SORCS2: variants seen among roughly 807,000 people sequenced by gnomAD.
The protein encoded by SORCS2 is VPS10 domain-containing receptor SorCS2.
SORCS2 carries 100 observed loss-of-function variants against 141.6 expected under a neutral mutation model. The observed-to-expected ratio is 0.71, with a 90% CI of 0.60 to 0.83. SORCS2 has a LOEUF of 0.83. Among genes scored for constraint, SORCS2 ranks in the 40% least tolerant of loss-of-function variants. SORCS2 has a pLI of 0.00. For missense variants in SORCS2, 1,646 were observed against 1,560.2 expected (o/e 1.05, Z -0.93); for synonymous variants, 789 against 676.9 (o/e 1.17, Z -2.57).
At chr4:7,682,548 G>A (rs1407785421) in intron 9 of SORCS2, among the ~76,000 whole-genome samples, 195 bp from the exon 10 acceptor site, 2 of 152,156 alleles carry the variant, frequency 1.3e-5, no homozygotes, top group Non-Finnish European at 2.9e-5. Context: ...CACTAAAACT[G>A]GGGCCAGAGT....
intron 1 of SORCS2, among the ~76,000 whole-genome samples, chr4:7,363,314 C>T (rs1302446842): frequency 6.8e-6 from 1 of 146,666 alleles, no homozygotes; most frequent in Non-Finnish European, 1.5e-5. Flanking sequence ...TCACTGCCAT[C>T]ATTACTACCA....
intron 3 of SORCS2, among the ~76,000 whole-genome samples, chr4:7,620,249 A>C (rs1466204489): frequency 6.6e-6 from 1 of 152,168 alleles, no homozygotes; most frequent in African/African-American, 2.4e-5. Context: ...TTTGGTCTAA[A>C]AATAGGAGAC....
At chr4:7,308,050 T>C (rs952353778) in intron 1 of SORCS2, among the ~76,000 whole-genome samples, 1 of 152,072 alleles carries the variant, frequency 6.6e-6, no homozygotes, top group Non-Finnish European at 1.5e-5. Context: ...CATCTTTGGC[T>C]CCCTATGGAC....
chr4:7,383,214 T>C (rs3894742), intron 1 of SORCS2, among the ~76,000 whole-genome samples: 152,236 of 152,246 alleles, frequency 1, 76,113 homozygotes, highest in Middle Eastern at 1. Context: ...TCTTCCCAAG[T>C]TGGCATCAGA....
At chr4:7,487,201 A>C (rs1211962570) in intron 2 of SORCS2, among the ~76,000 whole-genome samples, 3 of 152,200 alleles carry the variant, frequency 2.0e-5, no homozygotes, top group South Asian at 2.1e-4. Flanking sequence ...GCCCACCCTA[A>C]GGAGATCTGC....
chr4:7,513,735 T>C (rs1732801801), intron 2 of SORCS2, among the ~76,000 whole-genome samples: 1 of 152,240 alleles, frequency 6.6e-6, no homozygotes, highest in African/African-American at 2.4e-5. Context: ...GCTTGCTAAA[T>C]GACAGCCTTC....
At position 7,679,194 on chromosome 4, in the gene SORCS2, C is replaced by T. The variant is rs116312666; in HGVS notation, c.1341+2965C>T. Among the ~76,000 whole-genome samples the T allele has an allele frequency of 3.1e-3, 479 of 152,214 alleles. 1 individual carries two copies. The highest frequency in any genetic ancestry group is 0.011 in the African/African-American group (460 of 41,536). On this transcript the variant is annotated intron_variant, in intron 9 of 26. Coordinates refer to ENST00000507866, the MANE Select transcript of SORCS2 (RefSeq NM_020777.3). The stretch of plus-strand genomic sequence containing the variant: ...CTCGGAAGGCTGCAGGGGTCTCTCC[C>T]CCAGCAGGGCACAACCCAGGTGTGA...
chr4:7,681,030 T>A (rs925568192), intron 9 of SORCS2, among the ~76,000 whole-genome samples: 3 of 152,212 alleles, frequency 2.0e-5, no homozygotes, highest in Admixed American at 2.0e-4. Flanking sequence ...GAACTTTTGA[T>A]CTGGTGATAT....
rs528664832 is a variant in SORCS2 at position 7,591,414 on chromosome 4, G to A, written c.649-46914G>A. On this transcript the variant is annotated intron_variant, in intron 3 of 26. Transcript: ENST00000507866. ...CTCCAAGCCTGGTGCTACCCCCTGC[G>A]AGCTCCATCAGGCCATCCAGGGTGG... Among the ~76,000 whole-genome samples, 416 of 152,248 alleles carry A rather than the reference G, an allele frequency of 2.7e-3. 3 individuals are homozygous for A. Among genetic ancestry groups the A allele is most frequent in the Non-Finnish European group, 3.4e-3 (229 of 68,004 alleles).
intron 1 of SORCS2, among the ~76,000 whole-genome samples, chr4:7,337,430 G>A (rs775781431): frequency 3.3e-5 from 5 of 152,136 alleles, no homozygotes; most frequent in African/African-American, 4.8e-5. Flanking sequence ...CTGAGCAGGC[G>A]ACCTTCAGAC....
At chr4:7,512,799 C>T (rs1732743418) in intron 2 of SORCS2, among the ~76,000 whole-genome samples, 1 of 152,138 alleles carries the variant, frequency 6.6e-6, no homozygotes, top group African/African-American at 2.4e-5. Context: ...GTGACCCCCA[C>T]CAGTGGACAC....
intron 1 of SORCS2, among the ~76,000 whole-genome samples, chr4:7,394,239 G>A (rs540919229): frequency 7.9e-5 from 12 of 152,276 alleles, no homozygotes; most frequent in African/African-American, 2.9e-4. Flanking sequence ...TTTGGGTAAA[G>A]TCACCTGTAT....
At chr4:7,653,888 C>G (rs1298167813) in intron 4 of SORCS2, among the ~76,000 whole-genome samples, 1 of 152,224 alleles carries the variant, frequency 6.6e-6, no homozygotes, top group African/African-American at 2.4e-5. Context: ...TGAGACCCCT[C>G]TGGATTTCAC....
intron 2 of SORCS2, among the ~76,000 whole-genome samples, chr4:7,495,736 T>G (rs1317227149): frequency 6.6e-6 from 1 of 152,214 alleles, no homozygotes; most frequent in African/African-American, 2.4e-5. Flanking sequence ...TCCTGATGCC[T>G]GGGCCTAGGC....
intron 1 of SORCS2, among the ~76,000 whole-genome samples, chr4:7,343,128 T>G (rs1188968049): frequency 6.6e-6 from 1 of 152,190 alleles, no homozygotes; most frequent in African/African-American, 2.4e-5. Flanking sequence ...ACAGGAGCAT[T>G]AGGAGGGCAG....
intron 1 of SORCS2, among the ~76,000 whole-genome samples, chr4:7,333,112 G>A (rs997515254): frequency 3.9e-5 from 6 of 152,308 alleles, no homozygotes; most frequent in East Asian, 3.9e-4. Context: ...GGGACAAGGC[G>A]GTGTGGCCGT....
chr4:7,720,144 G>A (rs898883662), intron 18 of SORCS2, among the ~76,000 whole-genome samples: 1 of 152,052 alleles, frequency 6.6e-6, no homozygotes, highest in African/African-American at 2.4e-5. Context: ...CACACACACA[G>A]GCCAACCTAT....
chr4:7,293,242 T>C (rs1414120208), intron 1 of SORCS2, among the ~76,000 whole-genome samples: 2 of 151,220 alleles, frequency 1.3e-5, no homozygotes, highest in African/African-American at 4.9e-5. Flanking sequence ...AGGTGGAGCT[T>C]GCAGTGAGCC....
intron 1 of SORCS2, among the ~76,000 whole-genome samples, chr4:7,228,657 C>T (rs1044325423): frequency 2.6e-5 from 4 of 152,084 alleles, no homozygotes; most frequent in African/African-American, 9.7e-5. Flanking sequence ...GAGCTGAGGG[C>T]ACTCAGGACC....
Sources: gnomAD v4.1 joint callset for allele counts (sites outside exome capture counted in the v4.1 genomes callset) on GRCh38, gnomAD v4.1.1 for gene constraint, MANE v1.5 for transcripts, NCBI Gene and HGNC (gene_info 2026-07-23, HGNC 2026-07-21) for gene names.